ZNF680: variants seen among roughly 807,000 people sequenced by gnomAD.
The protein encoded by ZNF680 is zinc finger protein 680.
Under a neutral mutation model 12.1 loss-of-function variants are expected in ZNF680, and 6 were observed. The ratio of observed to expected loss-of-function variants is 0.49; its 90% CI spans 0.27 to 0.98. The LOEUF (loss-of-function observed/expected upper bound fraction) is 0.98. Among genes scored for constraint, ZNF680 ranks in the 50% least tolerant of loss-of-function variants. The probability of loss-of-function intolerance (pLI) is 0.12; values close to 1 mark genes in which losing one functional copy is unlikely to be tolerated. For synonymous variants in ZNF680, 170 were observed against 199.3 expected (o/e 0.85, Z 1.24); for missense variants, 561 against 616.3 (o/e 0.91, Z 0.95).
chr7:64,544,567 G>C (rs1196332624), intron 1 of ZNF680, 135 bp from the exon 2 acceptor site: 3 of 1,388,142 alleles, frequency 2.2e-6, no homozygotes. Flanking sequence ...ACAGGAGTGA[G>C]TCAAATTATA....
the ZNF680 span, among the ~76,000 whole-genome samples, chr7:64,510,228 TAAA>T: frequency 0.23 from 33,992 of 146,684 alleles, 4,002 homozygotes; most frequent in South Asian, 0.29. Context: ...AAATACGTAA[TAAA>T]AAAAAAAAAA....
intron 3 of ZNF680, among the ~76,000 whole-genome samples, chr7:64,533,397 G>A (rs1328360018): frequency 6.6e-6 from 1 of 151,956 alleles, no homozygotes; most frequent in Admixed American, 6.6e-5. Context: ...ATCAAATCAA[G>A]AACTCAACCC....
intron 1 of ZNF680, among the ~76,000 whole-genome samples, chr7:64,551,044 G>C (rs1029950128): frequency 6.6e-6 from 1 of 152,120 alleles, no homozygotes; most frequent in African/African-American, 2.4e-5. Context: ...AGATTGCAAA[G>C]ACAGAAAGAT....
At chr7:64,549,650 C>A (rs1261235799) in intron 1 of ZNF680, among the ~76,000 whole-genome samples, 2 of 150,916 alleles carry the variant, frequency 1.3e-5, no homozygotes, top group Admixed American at 1.3e-4. Context: ...AGAGGATGCT[C>A]TAGCACATTC....
chr7:64,551,185 C>T (rs1787057432), intron 1 of ZNF680, among the ~76,000 whole-genome samples: 1 of 152,148 alleles, frequency 6.6e-6, no homozygotes, highest in African/African-American at 2.4e-5. Context: ...ACAAAATAAA[C>T]TTTTAAGATC....
At chr7:64,542,725 C>G (rs540647553) in intron 3 of ZNF680, among the ~76,000 whole-genome samples, 35 of 152,104 alleles carry the variant, frequency 2.3e-4, no homozygotes, top group African/African-American at 7.7e-4. Context: ...TTTTTTGAGA[C>G]AGAGTCTCTG....
chr7:64,556,379 G>A (rs902561865), intron 1 of ZNF680, among the ~76,000 whole-genome samples: 1 of 151,654 alleles, frequency 6.6e-6, no homozygotes, highest in Non-Finnish European at 1.5e-5. Context: ...TACATTACCT[G>A]ACTTCAAATT....
the ZNF680 span, among the ~76,000 whole-genome samples, chr7:64,503,514 G>C: frequency 6.6e-6 from 1 of 151,286 alleles, no homozygotes; most frequent in East Asian, 2.0e-4. Context: ...CTGAGTAGCT[G>C]AGATTATAGG....
At chr7:64,542,451 G>A (rs778464505) in intron 3 of ZNF680, among the ~76,000 whole-genome samples, 3 of 152,018 alleles carry the variant, frequency 2.0e-5, no homozygotes, top group Admixed American at 1.3e-4. Context: ...TCGATCATAT[G>A]CTCTTATATA....
At chr7:64,506,169 T>C in the ZNF680 span, among the ~76,000 whole-genome samples, 2 of 151,684 alleles carry the variant, frequency 1.3e-5, no homozygotes, top group East Asian at 2.0e-4. Flanking sequence ...CCCACCTGAA[T>C]AGACTTTTAA....
the ZNF680 span, chr7:64,501,332 G>A: frequency 8.2e-7 from 1 of 1,219,158 alleles, no homozygotes; most frequent in East Asian, 2.4e-5. Context: ...AGGGGCAAAA[G>A]TGGCTTCAAT....
At chr7:64,524,147 ATTTT>A in intron 3 of ZNF680, among the ~76,000 whole-genome samples, 1 of 139,368 alleles carries the variant, frequency 7.2e-6, no homozygotes, top group South Asian at 2.3e-4. Flanking sequence ...ACAAAGAAGA[ATTTT>A]TTTTTTTTTT....
chr7:64,499,468 G>C, the ZNF680 span, among the ~76,000 whole-genome samples: 1 of 152,266 alleles, frequency 6.6e-6, no homozygotes, highest in East Asian at 1.9e-4. Context: ...ATACAGGTAA[G>C]ACAGCTCAGG....
chr7:64,510,381 T>C, the ZNF680 span, among the ~76,000 whole-genome samples: 7 of 151,958 alleles, frequency 4.6e-5, no homozygotes, highest in Admixed American at 4.6e-4. Flanking sequence ...AAAAAAGCTT[T>C]AGTAAAAACA....
chr7:64,500,090 A>G, the ZNF680 span, among the ~76,000 whole-genome samples: 1 of 152,030 alleles, frequency 6.6e-6, no homozygotes, highest in Non-Finnish European at 1.5e-5. Context: ...CTCTGACCTA[A>G]CTCGGCCAGC....
chr7:64,559,438 G>A (rs867545062), intron 1 of ZNF680, among the ~76,000 whole-genome samples: 8 of 151,784 alleles, frequency 5.3e-5, no homozygotes, highest in Non-Finnish European at 1.0e-4. Flanking sequence ...GAGCACAGGC[G>A]TATAAATCCA....
chr7:64,516,069 C>T (rs925030011), downstream of ZNF680, among the ~76,000 whole-genome samples: 3 of 152,178 alleles, frequency 2.0e-5, no homozygotes, highest in African/African-American at 7.2e-5. Flanking sequence ...ACAAACTAAG[C>T]ACATTTCTTT....
At chr7:64,502,400 C>T in the ZNF680 span, among the ~76,000 whole-genome samples, 3 of 152,086 alleles carry the variant, frequency 2.0e-5, no homozygotes, top group Non-Finnish European at 2.9e-5. Context: ...TAGTCGCCTC[C>T]CTAACTGCAA....
chr7:64,513,336 CA>C, the ZNF680 span, among the ~76,000 whole-genome samples: 1 of 150,276 alleles, frequency 6.7e-6, no homozygotes, highest in Admixed American at 6.6e-5. Flanking sequence ...AAGCTTTAAG[CA>C]AATTGTAAAA....
Sources: allele counts gnomAD v4.1 joint callset (sites outside exome capture counted in the v4.1 genomes callset), GRCh38; gene constraint gnomAD v4.1.1; transcripts MANE v1.5; gene names NCBI Gene and HGNC (gene_info 2026-07-23, HGNC 2026-07-21).